Variants in OPCML observed in about 807,000 individuals in gnomAD.
OPCML encodes opioid-binding protein/cell adhesion molecule.
Under a neutral mutation model 37.8 loss-of-function variants are expected in OPCML, and 13 were observed. That is an observed-to-expected ratio of 0.34 (90% CI 0.22 to 0.55). OPCML has a LOEUF of 0.55. Ranked by LOEUF, OPCML falls within the 20% of genes least tolerant of loss-of-function variation. OPCML has a pLI of 0.91. For synonymous variants in OPCML, 176 were observed against 168.8 expected (o/e 1.04, Z -0.33); for missense variants, 341 against 435.6 (o/e 0.78, Z 1.93).
chr11:132,989,150 ACT>A (rs1201523830), intron 1 of OPCML, among the ~76,000 whole-genome samples: 1 of 152,038 alleles, frequency 6.6e-6, no homozygotes, highest in Non-Finnish European at 1.5e-5. Flanking sequence ...ACATTCCCAA[ACT>A]CTGTGACCCA....
At chr11:132,908,722 AC>A (rs1412811734) in intron 2 of OPCML, among the ~76,000 whole-genome samples, 1 of 152,256 alleles carries the variant, frequency 6.6e-6, no homozygotes, top group East Asian at 1.9e-4. Flanking sequence ...GGTTAGAAAG[AC>A]ATAGCGCATT....
chr11:133,272,245 T>C (rs1941859638), intron 1 of OPCML, among the ~76,000 whole-genome samples: 1 of 131,296 alleles, frequency 7.6e-6, no homozygotes, highest in African/African-American at 2.8e-5. Flanking sequence ...TTGTAGGATA[T>C]TTGGACTAAA....
rs919660718 is a variant in OPCML, at chr11:133,180,658, G to T, written c.62-237648C>A. On this transcript the variant is annotated intron_variant, in intron 1 of 7. Coordinates refer to ENST00000524381, the MANE Select transcript of OPCML (RefSeq NM_001012393.5). ...GGAGGACACATGGTTGGGAGGAGGG[G>T]CTGTGAGTAGGATGAGCGTCCTACC... is the stretch of plus-strand genomic sequence containing the variant. Among the ~76,000 whole-genome samples the T allele has an allele frequency of 2.0e-5, 3 of 152,050 alleles. No homozygotes were observed. The South Asian group carries it at 6.2e-4, about 32-fold the overall frequency.
rs7930528 is a variant in OPCML, at chr11:133,226,357, G to C, written c.62-283347C>G. On this transcript the variant is annotated intron_variant, in intron 1 of 7. Transcript: ENST00000524381. ...TCGTATTTATGGTTTTGGGGGGTTA[G>C]GGGTGTTCCACTCCAGCCAGGACAG... Among the ~76,000 whole-genome samples the C allele has an allele frequency of 6.5e-3, 996 of 152,278 alleles. 14 individuals are homozygous for C. The highest frequency in any genetic ancestry group is 0.022 in the African/African-American group (930 of 41,538).
At chr11:133,313,992 T>C (rs1193511637) in intron 1 of OPCML, among the ~76,000 whole-genome samples, 1 of 152,004 alleles carries the variant, frequency 6.6e-6, no homozygotes, top group African/African-American at 2.4e-5. Flanking sequence ...TCCCAGCACT[T>C]TGGGAGGCCG....
intron 2 of OPCML, among the ~76,000 whole-genome samples, chr11:132,809,825 T>C (rs1939225102): frequency 1.3e-5 from 2 of 151,796 alleles, no homozygotes; most frequent in South Asian, 4.2e-4. Context: ...CCCTCCATCT[T>C]CTTCTTGTTT....
At chr11:132,514,793 A>T (rs1192150517) in intron 4 of OPCML, among the ~76,000 whole-genome samples, 2 of 152,060 alleles carry the variant, frequency 1.3e-5, no homozygotes, top group African/African-American at 4.8e-5. Context: ...AGGGGAGAGA[A>T]AGAGGAGTGG....
At chr11:133,309,445 A>G (rs1455812834) in intron 1 of OPCML, among the ~76,000 whole-genome samples, 2 of 152,228 alleles carry the variant, frequency 1.3e-5, no homozygotes, top group African/African-American at 2.4e-5. Context: ...CAAGGTCACA[A>G]AAGACAAGCA....
chr11:132,912,292 C>T (rs891870474), intron 2 of OPCML, among the ~76,000 whole-genome samples: 1 of 151,998 alleles, frequency 6.6e-6, no homozygotes, highest in Non-Finnish European at 1.5e-5. Flanking sequence ...TAGTATAGTA[C>T]GTTGCAAATT....
intron 1 of OPCML, among the ~76,000 whole-genome samples, chr11:133,474,358 G>T (rs1354609238): frequency 6.6e-6 from 1 of 152,056 alleles, no homozygotes; most frequent in African/African-American, 2.4e-5. Flanking sequence ...ATTTTTATCA[G>T]GTCTACCTAC....
chr11:133,168,711 A>G (rs1377279622), intron 1 of OPCML, among the ~76,000 whole-genome samples: 2 of 152,258 alleles, frequency 1.3e-5, no homozygotes, highest in Non-Finnish European at 2.9e-5. Flanking sequence ...GTATGCAAAC[A>G]AAAGCTAGAC....
At chr11:133,442,833 GA>G (rs1308658391) in intron 1 of OPCML, among the ~76,000 whole-genome samples, 1 of 151,074 alleles carries the variant, frequency 6.6e-6, no homozygotes, top group African/African-American at 2.4e-5. Flanking sequence ...TAATCATTTA[GA>G]AGAGACTAGG....
chr11:133,177,293 T>C lies in OPCML; in HGVS notation c.62-234283A>G, dbSNP rs1020760003. Among the ~76,000 whole-genome samples the C allele has an allele frequency of 1.3e-5, 2 of 152,328 alleles. No individual in the cohort carries two copies. Among genetic ancestry groups the C allele is most frequent in the East Asian group, 3.9e-4 (2 of 5,184 alleles). ...ATCTGAAAGAAGTGGGAAATAAAGC[T>C]GGATGACTTTGAAGGACTTTTTAAG... On this transcript the variant is annotated intron_variant, in intron 1 of 7. Transcript: ENST00000524381. The surrounding 1 kb of genome is among the most constrained non-coding windows in gnomAD (Gnocchi z 5.0).
intron 2 of OPCML, among the ~76,000 whole-genome samples, chr11:132,899,616 T>C (rs1943976288): frequency 6.6e-6 from 1 of 152,116 alleles, no homozygotes; most frequent in Non-Finnish European, 1.5e-5. Flanking sequence ...CCTGTGATGA[T>C]TAACTTTAGG....
At chr11:133,279,805 A>G (rs538913411) in intron 1 of OPCML, among the ~76,000 whole-genome samples, 1 of 152,332 alleles carries the variant, frequency 6.6e-6, no homozygotes, top group Non-Finnish European at 1.5e-5. Context: ...AACTCTACCC[A>G]TAAAGAATAA....
At chr11:132,984,161 G>A (rs560739626) in intron 1 of OPCML, among the ~76,000 whole-genome samples, 10 of 152,208 alleles carry the variant, frequency 6.6e-5, no homozygotes, top group South Asian at 6.2e-4. Context: ...TCATTGACCC[G>A]GATCCAGTAT....
chr11:133,284,644 A>G (rs955024808), intron 1 of OPCML, among the ~76,000 whole-genome samples: 3 of 152,162 alleles, frequency 2.0e-5, no homozygotes, highest in African/African-American at 7.2e-5. Flanking sequence ...ATCTTGTGGT[A>G]CTAGGCACAG....
intron 3 of OPCML, among the ~76,000 whole-genome samples, chr11:132,621,162 T>G (rs867156253): frequency 6.6e-6 from 1 of 152,242 alleles, no homozygotes; most frequent in South Asian, 2.1e-4. Context: ...CTAATAATAC[T>G]GTCTTGCTGA....
In OPCML at chr11:133,450,792, T is replaced by C. The variant is rs184542892; in HGVS notation, c.61+81472A>G. 2.4e-3 allele frequency among the ~76,000 whole-genome samples: 363 copies of C among 151,712 alleles called. 8 individuals are homozygous for C. Among genetic ancestry groups the C allele is most frequent in the African/African-American group, 8.4e-3 (344 of 41,052 alleles). On this transcript the variant is annotated intron_variant, in intron 1 of 7. Transcript: ENST00000524381. The stretch of plus-strand genomic sequence containing the variant: ...TTGGAGTGACAGTTATTGTCCTGGA[T>C]AGCTCAATGTGATATTGTGAGGTTC...
Sources: allele counts gnomAD v4.1 joint callset (sites outside exome capture counted in the v4.1 genomes callset), GRCh38; gene constraint gnomAD v4.1.1; non-coding constraint Gnocchi (gnomAD v3.1); transcripts MANE v1.5; gene names NCBI Gene and HGNC (gene_info 2026-07-23, HGNC 2026-07-21).